TMEM181: variants seen among roughly 807,000 people sequenced by gnomAD.
TMEM181 encodes the protein G protein-coupled receptor 178.
TMEM181 carries 39 observed loss-of-function variants against 71.9 expected under a neutral mutation model. The ratio of observed to expected loss-of-function variants is 0.54; its 90% CI spans 0.42 to 0.71. The LOEUF is 0.71. Ranked by LOEUF, TMEM181 falls within the 30% of genes least tolerant of loss-of-function variation. The pLI, the probability that TMEM181 is intolerant of heterozygous loss-of-function variation, is 0.00. For missense variants in TMEM181, 595 were observed against 583.0 expected (o/e 1.02, Z -0.21); for synonymous variants, 245 against 228.8 (o/e 1.07, Z -0.64).
intron 6 of TMEM181, among the ~76,000 whole-genome samples, chr6:158,600,850 C>T (rs1784629498): frequency 6.6e-6 from 1 of 152,138 alleles, no homozygotes; most frequent in African/African-American, 2.4e-5. Flanking sequence ...CCCCCTCCTC[C>T]AGGGAGTCTG....
At chr6:158,559,781 G>A (rs1782044365), upstream of TMEM181, among the ~76,000 whole-genome samples, 1 of 152,230 alleles carries the variant, frequency 6.6e-6, no homozygotes, top group Admixed American at 6.5e-5. Context: ...ACAACTGCAG[G>A]GCATTCGTGG....
At chr6:158,539,138 A>C (rs909478643) in intron 1 of TMEM181, among the ~76,000 whole-genome samples, 1 of 152,188 alleles carries the variant, frequency 6.6e-6, no homozygotes. Context: ...TTGGAGCTTG[A>C]AGACAGATTC....
upstream of TMEM181, among the ~76,000 whole-genome samples, chr6:158,555,595 T>C (rs1781854826): frequency 6.6e-6 from 1 of 152,248 alleles, no homozygotes; most frequent in African/African-American, 2.4e-5. Context: ...ATTCAGATAA[T>C]GATCATTTGA....
At chr6:158,578,844 A>G (rs1783309081) in intron 2 of TMEM181, among the ~76,000 whole-genome samples, 1 of 152,194 alleles carries the variant, frequency 6.6e-6, no homozygotes, top group Admixed American at 6.5e-5. Flanking sequence ...TCTACAGGAG[A>G]CTCACTCTAG....
intron 9 of TMEM181, 57 bp downstream of exon 9, chr6:158,608,520 G>A (rs577647028): frequency 2.9e-4 from 463 of 1,612,488 alleles, no homozygotes; most frequent in Non-Finnish European, 3.2e-4. Context: ...CCTCCCTCCC[G>A]AACTCTGAGG....
Position 158,631,868 on chromosome 6 carries a change from G to C in TMEM181, c.1408G>C (p.Glu470Gln). 3 of 1,595,522 alleles carry C rather than the reference G, an allele frequency of 1.9e-6. No individual in the cohort carries two copies. The highest frequency in any genetic ancestry group is 2.6e-6 in the Non-Finnish European group (3 of 1,170,604). ...CCAGGCCATCCGGGCCAAGTACAAGGAGGAGTCAGATAGTGACTGAGCCCC... is the reference window on the plus strand; with the variant it reads ...CCAGGCCATCCGGGCCAAGTACAAGCAGGAGTCAGATAGTGACTGAGCCCC... ...NGQAIRAKYK[E>Q]ESDSD is the part of the protein sequence containing the mutation. The change falls in exon 17 of 17, where the codon GAG becomes CAG. Residue 470 changes from glutamate to glutamine, a missense_variant. Transcript: ENST00000684151.
intron 5 of TMEM181, among the ~76,000 whole-genome samples, chr6:158,586,530 A>C (rs1783781521): frequency 1.3e-5 from 2 of 152,226 alleles, no homozygotes; most frequent in African/African-American, 4.8e-5. Flanking sequence ...GGTAACGCAG[A>C]TATTAAGTGG....
In TMEM181 at chr6:158,538,341, G is replaced by A. The variant is rs149789729; in HGVS notation, c.131+1476G>A. Among the ~76,000 whole-genome samples, 19 of 152,020 alleles carry A rather than the reference G, an allele frequency of 1.2e-4. No individual in the cohort carries two copies. The East Asian group carries it at 3.3e-3, about 26-fold the overall frequency. The stretch of plus-strand genomic sequence containing the variant: ...ACCTGATTTTTATATTTTGTTTAGA[G>A]ATGGAATTTCCCTGTCTTGCCCAGG... On this transcript the variant is annotated intron_variant, in intron 1 of 16. Coordinates refer to the TMEM181 transcript ENST00000367090.
At chr6:158,578,511 G>GT (rs2128297300) in intron 2 of TMEM181, among the ~76,000 whole-genome samples, 1 of 152,254 alleles carries the variant, frequency 6.6e-6, no homozygotes, top group East Asian at 1.9e-4. Flanking sequence ...CTTATTTTAT[G>GT]TTTTTGGACA....
intron 1 of TMEM181, among the ~76,000 whole-genome samples, chr6:158,551,942 A>G (rs1781735505): frequency 1.3e-5 from 2 of 152,190 alleles, no homozygotes; most frequent in Admixed American, 6.5e-5. Flanking sequence ...TCCCAAGTTA[A>G]TTTTAGGTCA....
intron 1 of TMEM181, among the ~76,000 whole-genome samples, chr6:158,542,391 C>T (rs1373218135): frequency 6.6e-6 from 1 of 152,184 alleles, no homozygotes; most frequent in Non-Finnish European, 1.5e-5. Context: ...CATGCATCAT[C>T]TTATATAATC....
intron 1 of TMEM181, among the ~76,000 whole-genome samples, chr6:158,545,750 G>A (rs1211437784): frequency 6.6e-6 from 1 of 151,802 alleles, no homozygotes; most frequent in African/African-American, 2.4e-5. Context: ...GCTCCTCATA[G>A]TGCAGTCATG....
intron 2 of TMEM181, among the ~76,000 whole-genome samples, chr6:158,580,134 C>G (rs957856463): frequency 6.6e-6 from 1 of 152,068 alleles, no homozygotes; most frequent in African/African-American, 2.4e-5. Flanking sequence ...AGTTCGAGAC[C>G]AGCCTGACCA....
chr6:158,627,422 A>G (rs1786381201), intron 13 of TMEM181, among the ~76,000 whole-genome samples: 1 of 152,234 alleles, frequency 6.6e-6, no homozygotes, highest in African/African-American at 2.4e-5. Flanking sequence ...ACGAGTGGCA[A>G]ACAACTAAAT....
At chr6:158,619,525 A>C (rs1562311631) in intron 10 of TMEM181, among the ~76,000 whole-genome samples, 1 of 152,048 alleles carries the variant, frequency 6.6e-6, no homozygotes, top group Admixed American at 6.6e-5. Context: ...CAGAGGAAGG[A>C]GTTTTGGAGG....
chr6:158,607,698 G>A (rs759493333), intron 8 of TMEM181, among the ~76,000 whole-genome samples: 3 of 152,170 alleles, frequency 2.0e-5, no homozygotes, highest in Non-Finnish European at 4.4e-5. Context: ...AAAGCTGGAA[G>A]CCATCTTGGA....
rs1285081641 is a variant in TMEM181 at position 158,635,084 on chromosome 6, CTG to C, written c.*3199_*3200del. ...CTGGCCAAAGGGAAGTTGTATTAGTCTGTGACATCTTGTGATGCTGTTTATCT... is the reference window on the plus strand; with the variant it reads ...CTGGCCAAAGGGAAGTTGTATTAGTCTGACATCTTGTGATGCTGTTTATCT... On this transcript the variant is annotated 3_prime_UTR_variant, in exon 17 of 17. Coordinates refer to ENST00000684151, the MANE Select transcript of TMEM181 (RefSeq NM_001376852.1). 1 of 151,264 alleles carries C rather than the reference CTG, an allele frequency of 6.6e-6. No homozygotes were observed. The highest frequency in any genetic ancestry group is 1.5e-5 in the Non-Finnish European group (1 of 67,890). The allele number at this position is 151,264 out of a possible 1,614,324, so 9.4% of individuals were successfully genotyped here.
intron 13 of TMEM181, among the ~76,000 whole-genome samples, chr6:158,627,386 C>T (rs1786378773): frequency 1.3e-5 from 2 of 152,332 alleles, no homozygotes; most frequent in East Asian, 3.9e-4. Flanking sequence ...CTCTCTGTCA[C>T]GGGATTTATG....
upstream of TMEM181, chr6:158,559,943 C>A (rs1181304829): frequency 3.7e-5 from 21 of 564,698 alleles, 1 homozygote; most frequent in Non-Finnish European, 2.5e-5. Context: ...CCTGGGTGCT[C>A]CCGGCCGTGG....
Sources: gnomAD v4.1 joint callset for allele counts (sites outside exome capture counted in the v4.1 genomes callset) on GRCh38, gnomAD v4.1.1 for gene constraint, MANE v1.5 for transcripts, NCBI Gene and HGNC (gene_info 2026-07-23, HGNC 2026-07-21) for gene names.